Variants in AS3MT observed in about 807,000 individuals in gnomAD.
AS3MT encodes the protein S-adenosyl-L-methionine:arsenic(III) methyltransferase.
Under a neutral mutation model 45.3 loss-of-function variants are expected in AS3MT, and 47 were observed. The ratio of observed to expected loss-of-function variants is 1.04; its 90% CI spans 0.82 to 1.32. The LOEUF is 1.32. Among genes scored for constraint, AS3MT ranks in the 40% most tolerant of loss-of-function variants. The pLI is 0.00. For missense variants in AS3MT, 396 were observed against 451.1 expected (o/e 0.88, Z 1.11); for synonymous variants, 141 against 152.8 (o/e 0.92, Z 0.57).
chr10:102,893,303 T>G (rs923709036), intron 10 of AS3MT, among the ~76,000 whole-genome samples: 1 of 152,016 alleles, frequency 6.6e-6, no homozygotes, highest in African/African-American at 2.4e-5. Flanking sequence ...CATTCCCATC[T>G]GGCCTAGAAC....
At position 102,890,678 on chromosome 10, in the gene AS3MT, G is replaced by A. The variant is rs1554884737; in HGVS notation, c.1020G>A (p.Lys340=). The part of the protein sequence containing the change: ...TSGGCSALEL[K]DIITDPFKLA... Reference sequence around the variant, plus strand: ...GAGGCTGTTCTGCTTTGGAGTTAAAGGTTAGTTTGGCTTTCACTACCTGAG... The same window carrying A: ...GAGGCTGTTCTGCTTTGGAGTTAAAAGTTAGTTTGGCTTTCACTACCTGAG... Residue 340 remains lysine, a splice_region_variant and synonymous_variant, in exon 10 of 11, where the codon AAG becomes AAA. Coordinates refer to ENST00000369880, the MANE Select transcript of AS3MT (RefSeq NM_020682.4). The A allele has an allele frequency of 1.2e-6, 2 of 1,604,198 alleles. No individual in the cohort carries two copies. The highest frequency in any genetic ancestry group is 3.5e-5 in the Admixed American group (2 of 57,016).
chr10:102,870,768 C>T (rs1048635337), intron 3 of AS3MT, among the ~76,000 whole-genome samples: 2 of 152,114 alleles, frequency 1.3e-5, no homozygotes, highest in Non-Finnish European at 2.9e-5. Context: ...GAAGGTCTTC[C>T]CTTTTCTTTT....
At chr10:102,883,313 C>G (rs1007626611) in intron 9 of AS3MT, among the ~76,000 whole-genome samples, 5 of 150,916 alleles carry the variant, frequency 3.3e-5, no homozygotes, top group Non-Finnish European at 7.4e-5. Context: ...GTTGGCCAGG[C>G]TGGTCTTAAA....
intron 10 of AS3MT, among the ~76,000 whole-genome samples, chr10:102,893,628 T>C (rs1232790991): frequency 6.6e-6 from 1 of 152,046 alleles, no homozygotes; most frequent in African/African-American, 2.4e-5. Flanking sequence ...CCAGAGTAGA[T>C]GGGACTACAG....
chr10:102,876,921 C>T (rs1320412747), intron 6 of AS3MT, 33 bp from the exon 7 acceptor site: 2 of 1,593,562 alleles, frequency 1.3e-6, no homozygotes, highest in Non-Finnish European at 1.7e-6. Flanking sequence ...AATCATTAAT[C>T]ATCTTGTTTG....
At position 102,900,355 on chromosome 10, in the gene AS3MT, A is replaced by C. The variant is rs557011195; in HGVS notation, c.1021-238A>C. Among the ~76,000 whole-genome samples the C allele has an allele frequency of 4.6e-5, 7 of 152,358 alleles. 1 individual carries two copies. The highest frequency in any genetic ancestry group is 1.7e-4 in the African/African-American group (7 of 41,574). ...CTGAGCAAAAATCAATGCTCTGCCCAAGAGGGACCATCTTTAAGAAGCTTT... is the reference window on the plus strand; with the variant it reads ...CTGAGCAAAAATCAATGCTCTGCCCCAGAGGGACCATCTTTAAGAAGCTTT... On this transcript the variant is annotated intron_variant, in intron 10 of 10. Transcript: ENST00000369880.
In AS3MT at chr10:102,874,577, T is replaced by C; in HGVS notation, c.459-15T>C. The C allele has an allele frequency of 6.4e-7, 1 of 1,573,398 alleles. No homozygotes were observed. Among genetic ancestry groups the C allele is most frequent in the Non-Finnish European group, 8.7e-7 (1 of 1,150,468 alleles). Reference sequence around the variant, plus strand: ...TTGTGAAGATTTGCTCGACATTTCATCTGTTCTCTTTTAGATCAAACTGTG... The same window carrying C: ...TTGTGAAGATTTGCTCGACATTTCACCTGTTCTCTTTTAGATCAAACTGTG... On this transcript the variant is annotated splice_polypyrimidine_tract_variant and intron_variant, in intron 5 of 10. Transcript: ENST00000369880.
intron 9 of AS3MT, among the ~76,000 whole-genome samples, chr10:102,880,134 T>A (rs904073476): frequency 6.6e-6 from 1 of 152,168 alleles, no homozygotes; most frequent in East Asian, 1.9e-4. Flanking sequence ...AGTATTTCAA[T>A]TGTTTAATTG....
At chr10:102,869,955 C>T in intron 2 of AS3MT, 110 bp downstream of exon 2, 12 of 1,564,506 alleles carry the variant, frequency 7.7e-6, no homozygotes, top group Non-Finnish European at 1.0e-5. Flanking sequence ...AGGGCAGGGT[C>T]TAGGCTTCGA....
chr10:102,891,858 G>A (rs1590229094), intron 10 of AS3MT, among the ~76,000 whole-genome samples: 1 of 149,964 alleles, frequency 6.7e-6, no homozygotes, highest in South Asian at 2.1e-4. Flanking sequence ...GCTGAGATGG[G>A]AGGATTGCTT....
intron 10 of AS3MT, among the ~76,000 whole-genome samples, chr10:102,893,953 T>C (rs1458815236): frequency 6.6e-6 from 1 of 151,972 alleles, no homozygotes; most frequent in Non-Finnish European, 1.5e-5. Context: ...ACTTTCAAAT[T>C]CGCTATGTGT....
intron 9 of AS3MT, among the ~76,000 whole-genome samples, chr10:102,887,138 C>G (rs748923361): frequency 6.6e-6 from 1 of 151,950 alleles, no homozygotes; most frequent in African/African-American, 2.4e-5. Flanking sequence ...GTGTATTTTC[C>G]AAGGTTCTTG....
At chr10:102,888,974 T>A (rs1047163555) in intron 9 of AS3MT, among the ~76,000 whole-genome samples, 2 of 148,220 alleles carry the variant, frequency 1.3e-5, no homozygotes, top group African/African-American at 5.0e-5. Flanking sequence ...CACTGCAAGC[T>A]CCGCCTCCCG....
Position 102,886,613 on chromosome 10 carries a change from C to T in AS3MT, c.886-3931C>T, listed in dbSNP as rs538451807. Among the ~76,000 whole-genome samples the T allele has an allele frequency of 6.6e-4, 100 of 151,934 alleles. 1 individual carries two copies. Among genetic ancestry groups the T allele is most frequent in the African/African-American group, 2.2e-3 (93 of 41,432 alleles). On this transcript the variant is annotated intron_variant, in intron 9 of 10. Coordinates refer to ENST00000369880, the MANE Select transcript of AS3MT (RefSeq NM_020682.4). ...GATTACAGGTGTTAGCCATTGTGCC[C>T]GGCCCTTCTTTCCTTTCTTCTTCTT...
rs1363419554 is a variant in AS3MT, at chr10:102,877,031, A to G, written c.606A>G (p.Leu202=). Residue 202 remains leucine, a synonymous_variant, in exon 7 of 11, where the codon TTA becomes TTG. Coordinates refer to ENST00000369880, the MANE Select transcript of AS3MT (RefSeq NM_020682.4). Reference sequence around the variant, plus strand: ...AAGAAATCAGGACACACAAAGTTTTATGGGGTAGGTGATTTTGTTTAGTTT... The same window carrying G: ...AAGAAATCAGGACACACAAAGTTTTGTGGGGTAGGTGATTTTGTTTAGTTT... ...LPEEIRTHKV[L]WGECLGGALY... The G allele has an allele frequency of 6.2e-7, 1 of 1,613,808 alleles. No homozygotes were observed. Among genetic ancestry groups the G allele is most frequent in the Non-Finnish European group, 8.5e-7 (1 of 1,179,842 alleles).
chr10:102,897,284 T>G (rs1171277372), intron 10 of AS3MT, among the ~76,000 whole-genome samples: 2 of 150,468 alleles, frequency 1.3e-5, no homozygotes, highest in Non-Finnish European at 3.0e-5. Flanking sequence ...CTCGGGAGGC[T>G]GAGGCAGGAG....
At chr10:102,869,877 T>C (rs1224476639) in intron 2 of AS3MT, 32 bp downstream of exon 2, 1 of 1,612,754 alleles carries the variant, frequency 6.2e-7, no homozygotes, top group East Asian at 2.2e-5. Flanking sequence ...ATGGCCCAAG[T>C]GGAGCCTAGG....
intron 10 of AS3MT, 33 bp downstream of exon 10, chr10:102,890,711 TTTTA>T (rs1423489985): frequency 9.5e-6 from 15 of 1,584,558 alleles, no homozygotes; most frequent in Admixed American, 1.9e-5. Context: ...GAGAGAACTA[TTTTA>T]TTTATTTATT....
At chr10:102,893,637 AGGTGCGT>A (rs1845113219) in intron 10 of AS3MT, among the ~76,000 whole-genome samples, 1 of 152,006 alleles carries the variant, frequency 6.6e-6, no homozygotes, top group Non-Finnish European at 1.5e-5. Flanking sequence ...ATGGGACTAC[AGGTGCGT>A]GCCACCATGC....
Sources: gnomAD v4.1 joint callset for allele counts (sites outside exome capture counted in the v4.1 genomes callset) on GRCh38, gnomAD v4.1.1 for gene constraint, MANE v1.5 for transcripts, NCBI Gene and HGNC (gene_info 2026-07-23, HGNC 2026-07-21) for gene names.